The following XIRP2 variants were observed in gnomAD, a reference collection of about 807,000 sequenced individuals.
XIRP2 encodes xin actin-binding repeat-containing protein 2.
In XIRP2, 236 loss-of-function variants were observed where a neutral mutation model predicts 277.0. The ratio of observed to expected loss-of-function variants is 0.85; its 90% confidence interval spans 0.77 to 0.95. The LOEUF (loss-of-function observed/expected upper bound fraction) is 0.95, where lower values mean the gene tolerates loss of function less well. Among genes scored for constraint, XIRP2 ranks in the 40% least tolerant of loss-of-function variants. The probability of loss-of-function intolerance (pLI) is 0.00; values close to 1 mark genes in which losing one functional copy is unlikely to be tolerated. For synonymous variants in XIRP2, 1,490 were observed against 1,416.5 expected (o/e 1.05, Z -1.17); for missense variants, 4,640 against 4,157.5 (o/e 1.12, Z -3.19).
rs764159747 is a variant in XIRP2, at chr2:167,243,660, T to G, written c.2268T>G (p.Thr756=). 8.3e-5 allele frequency: 134 copies of G among 1,613,830 alleles called. No homozygotes were observed. Among genetic ancestry groups the G allele is most frequent in the Non-Finnish European group, 8.5e-5 (100 of 1,179,974 alleles). The change falls in exon 9 of 11, where the codon ACT becomes ACG. Residue 756 remains threonine, a synonymous_variant. Transcript: ENST00000409195. Reference sequence around the variant, plus strand: ...CGGGCCAAATGCTGGAAATTAAAACTGTTCACAGAGAAGACGTTGAAAAGG... The same window carrying G: ...CGGGCCAAATGCTGGAAATTAAAACGGTTCACAGAGAAGACGTTGAAAAGG... ...DGSGQMLEIK[T]VHREDVEKGD...
At chr2:167,234,185 C>T (rs558123120) in intron 5 of XIRP2, among the ~76,000 whole-genome samples, 2 of 151,344 alleles carry the variant, frequency 1.3e-5, no homozygotes, top group African/African-American at 4.8e-5. Flanking sequence ...CAATTATTTT[C>T]TTTATTAAAA....
At chr2:167,112,286 G>A (rs1690779628) in intron 2 of XIRP2, among the ~76,000 whole-genome samples, 1 of 151,800 alleles carries the variant, frequency 6.6e-6, no homozygotes, top group African/African-American at 2.4e-5. Flanking sequence ...ACTTTTTAAT[G>A]TGGGCATTAG....
At chr2:166,891,017 A>T (rs913742787) in intron 1 of XIRP2, among the ~76,000 whole-genome samples, 2 of 152,154 alleles carry the variant, frequency 1.3e-5, no homozygotes, top group Non-Finnish European at 2.9e-5. Context: ...AGAGCTGGCT[A>T]TGAGAGATTT....
Position 167,244,998 on chromosome 2 carries a change from T to C in XIRP2, c.3606T>C (p.Tyr1202=). 3 of 1,613,020 alleles carry C rather than the reference T, an allele frequency of 1.9e-6. 1 individual carries two copies. ...CTGGAGATGTTTCCAGCATGAGGTA[T>C]AAATTTGAAAATCAGTCCTTAGATT... is the stretch of plus-strand genomic sequence containing the variant. The part of the protein sequence containing the change: ...IQAGDVSSMR[Y]KFENQSLDSI... Residue 1202 remains tyrosine, a synonymous_variant, in exon 9 of 11, where the codon TAT becomes TAC. Coordinates refer to ENST00000409195, the MANE Select transcript of XIRP2 (RefSeq NM_152381.6).
intron 3 of XIRP2, among the ~76,000 whole-genome samples, chr2:167,200,328 C>T (rs893780821): frequency 5.9e-5 from 9 of 152,292 alleles, no homozygotes; most frequent in Non-Finnish European, 8.8e-5. Context: ...TGTGCCGAGC[C>T]TATTTCTCAA....
At chr2:167,079,328 CAG>C (rs1232769297) in intron 2 of XIRP2, among the ~76,000 whole-genome samples, 16 of 152,112 alleles carry the variant, frequency 1.1e-4, no homozygotes, top group Non-Finnish European at 1.5e-5. Flanking sequence ...ATTTTGGTAT[CAG>C]AGTGATACTG....
chr2:167,253,994 A>G, intron 9 of XIRP2, 38 bp from the exon 10 acceptor site: 1 of 1,532,114 alleles, frequency 6.5e-7, no homozygotes, highest in Non-Finnish European at 8.8e-7. Context: ...ATGATTGAAG[A>G]TAACACTACA....
At chr2:166,998,498 G>T (rs187949079) in intron 2 of XIRP2, among the ~76,000 whole-genome samples, 1,674 of 152,058 alleles carry the variant, frequency 0.011, 13 homozygotes, top group Non-Finnish European at 0.018. Context: ...TTAGCTGGGG[G>T]TGGTGGCAGG....
intron 2 of XIRP2, among the ~76,000 whole-genome samples, chr2:167,056,669 TAAG>T (rs1160536857): frequency 1.3e-5 from 2 of 152,162 alleles, no homozygotes; most frequent in Non-Finnish European, 2.9e-5. Context: ...GGTTATAAAA[TAAG>T]AACAATGCTA....
Position 167,087,905 on chromosome 2 carries a change from C to T in XIRP2, c.409-48004C>T, listed in dbSNP as rs549251356. Among the ~76,000 whole-genome samples the T allele has an allele frequency of 3.3e-5, 5 of 152,266 alleles. 1 individual carries two copies. Among genetic ancestry groups the T allele is most frequent in the East Asian group, 3.9e-4 (2 of 5,176 alleles). On this transcript the variant is annotated intron_variant, in intron 2 of 10. Coordinates refer to ENST00000409195, the MANE Select transcript of XIRP2 (RefSeq NM_152381.6). ...AAATGCAGAAATCACCCTTCTTCTG[C>T]GTCGCTCACGCTGGGAGCTGTAGAC...
At chr2:167,112,840 C>T (rs1024517899) in intron 2 of XIRP2, among the ~76,000 whole-genome samples, 7 of 151,824 alleles carry the variant, frequency 4.6e-5, no homozygotes, top group East Asian at 3.9e-4. Flanking sequence ...TTAGTAGACA[C>T]GGGGTTTCAT....
chr2:166,931,307 C>T (rs1425420798), intron 2 of XIRP2, among the ~76,000 whole-genome samples: 1 of 152,124 alleles, frequency 6.6e-6, no homozygotes, highest in African/African-American at 2.4e-5. Context: ...GTGAGATGTA[C>T]ACATTTCATG....
rs569199438 is a variant in XIRP2, at chr2:166,909,421, T to G, written c.408+5531T>G. On this transcript the variant is annotated intron_variant, in intron 2 of 10. Coordinates refer to ENST00000409195, the MANE Select transcript of XIRP2 (RefSeq NM_152381.6). The stretch of plus-strand genomic sequence containing the variant: ...CTCATGATTTGGCTCTCTGTTTGTC[T>G]GTTATTGGTGTATAAGAATGCTTGT... Among the ~76,000 whole-genome samples the G allele has an allele frequency of 5.1e-4, 78 of 152,296 alleles. 1 individual carries two copies. Among genetic ancestry groups the G allele is most frequent in the East Asian group, 1.5e-3 (8 of 5,184 alleles).
At chr2:167,221,487 G>GAAAAAAAAAAAAAAAAAAAAAAAAAAAAA (rs1694429409) in intron 5 of XIRP2, among the ~76,000 whole-genome samples, 1 of 144,032 alleles carries the variant, frequency 6.9e-6, no homozygotes. Flanking sequence ...AAAAAAAAAG[G>GAAAAAAAAAAAAAAAAAAAAAAAAAAAAA]AAAAAGTCAT....
chr2:167,250,706 A>G lies in XIRP2; in HGVS notation c.9314A>G (p.Asp3105Gly). ...AAAACCCATCAGGAAATTAAACTTGATGATAGCAACATTCCTCCTCCCTCT... is the reference window on the plus strand; with the variant it reads ...AAAACCCATCAGGAAATTAAACTTGGTGATAGCAACATTCCTCCTCCCTCT... The part of the protein sequence containing the change: ...HVKTHQEIKL[D>G]DSNIPPPSLK... The change falls in exon 9 of 11, where the codon GAT (aspartate) becomes GGT (glycine). Residue 3105 changes from aspartate (D) to glycine (G), a missense_variant. Physicochemically the swap from Asp to Gly is moderately conservative, Grantham distance 94. Transcript: ENST00000409195. 2 of 1,613,664 alleles carry G rather than the reference A, an allele frequency of 1.2e-6. No homozygotes were observed. Among genetic ancestry groups the G allele is most frequent in the Non-Finnish European group, 1.7e-6 (2 of 1,179,758 alleles).
chr2:167,122,700 A>G (rs1691090739), intron 2 of XIRP2, among the ~76,000 whole-genome samples: 1 of 152,204 alleles, frequency 6.6e-6, no homozygotes, highest in African/African-American at 2.4e-5. Flanking sequence ...CTTGTGAGCA[A>G]AAGGCCCCTT....
At chr2:167,046,296 A>G (rs971511488) in intron 2 of XIRP2, among the ~76,000 whole-genome samples, 1 of 151,734 alleles carries the variant, frequency 6.6e-6, no homozygotes, top group African/African-American at 2.4e-5. Context: ...AACAGGCCCC[A>G]GTTCTCAAGG....
chr2:167,055,945 A>G (rs1387731266), intron 2 of XIRP2, among the ~76,000 whole-genome samples: 1 of 152,102 alleles, frequency 6.6e-6, no homozygotes, highest in African/African-American at 2.4e-5. Context: ...AACAAAACCT[A>G]ATTTTATAAT....
In XIRP2 at chr2:167,250,486, A is replaced by G. The variant is rs1224345835; in HGVS notation, c.9094A>G (p.Thr3032Ala). 1.9e-6 allele frequency: 3 copies of G among 1,613,334 alleles called. No individual in the cohort carries two copies. ...TGTGTCCTATGAAAATATAATTCAG[A>G]CAGCCATGATGTCCTCCAAAACAGG... ...MLVSYENIIQTAMMSSKTGKP... is the reference protein window; with the variant it reads ...MLVSYENIIQAAMMSSKTGKP... The change falls in exon 9 of 11, where the codon ACA becomes GCA. Residue 3032 changes from threonine to alanine, a missense_variant. Transcript: ENST00000409195.
Sources: gnomAD v4.1 joint callset for allele counts (sites outside exome capture counted in the v4.1 genomes callset) on GRCh38, gnomAD v4.1.1 for gene constraint, MANE v1.5 for transcripts, NCBI Gene and HGNC (gene_info 2026-07-23, HGNC 2026-07-21) for gene names.